The following SCG3 variants were observed in gnomAD, a reference collection of about 807,000 sequenced individuals.
The protein encoded by SCG3 is secretogranin III, also known as secretogranin-3.
SCG3 carries 38 observed loss-of-function variants against 56.2 expected under a neutral mutation model. The ratio of observed to expected loss-of-function variants is 0.68; its 90% CI spans 0.52 to 0.89. The LOEUF (loss-of-function observed/expected upper bound fraction) is 0.89, where lower values mean the gene tolerates loss of function less well. Ranked by LOEUF, SCG3 falls within the 40% of genes least tolerant of loss-of-function variation. The pLI is 0.00. For synonymous variants in SCG3, 176 were observed against 184.2 expected (o/e 0.96, Z 0.36); for missense variants, 524 against 540.7 (o/e 0.97, Z 0.31).
chr15:51,683,321 G>A lies in SCG3; in HGVS notation c.284G>A (p.Arg95Lys). 2 of 1,613,442 alleles carry A rather than the reference G, an allele frequency of 1.2e-6. No individual in the cohort carries two copies. The highest frequency in any genetic ancestry group is 1.7e-6 in the Non-Finnish European group (2 of 1,179,498). The change falls in exon 4 of 12, where the codon AGA (arginine) becomes AAA (lysine). Residue 95 changes from arginine to lysine, a missense_variant. Transcript: ENST00000220478. ...ATTGAGAAAGAAAGACAATCTATAAGAAGCTCCCCACTTGATAATAAGTTG... is the reference window on the plus strand; with the variant it reads ...ATTGAGAAAGAAAGACAATCTATAAAAAGCTCCCCACTTGATAATAAGTTG... ...EKIEKERQSI[R>K]SSPLDNKLNV...
rs985520180 is a variant in SCG3, at chr15:51,695,866, T to C, written c.869-9T>C. Reference sequence around the variant, plus strand: ...CCACAGTTTTAAGTTATTTTGTTCTTTCATATAGAAAAAGAAGCAAAAGAG... The same window carrying C: ...CCACAGTTTTAAGTTATTTTGTTCTCTCATATAGAAAAAGAAGCAAAAGAG... On this transcript the variant is annotated splice_polypyrimidine_tract_variant and intron_variant, in intron 7 of 11. Transcript: ENST00000220478. The C allele has an allele frequency of 1.3e-6, 2 of 1,481,762 alleles. No individual in the cohort carries two copies. The highest frequency in any genetic ancestry group is 1.8e-4 in the Middle Eastern group (1 of 5,694). The allele number at this position is 1,481,762 out of a possible 1,614,324, so 91.8% of individuals were successfully genotyped here. A position where few individuals can be genotyped will look rare whatever the true frequency, so the allele number is the denominator to read the frequency against.
intron 8 of SCG3, 67 bp from the exon 9 acceptor site, chr15:51,699,252 T>C (rs2055323937): frequency 8.7e-7 from 1 of 1,146,764 alleles, no homozygotes; most frequent in South Asian, 1.3e-5. Context: ...GATTTAAACA[T>C]TTTTCGTAAA....
At chr15:51,704,244 C>CATACATATATACATACAT (rs751546589) in intron 10 of SCG3, among the ~76,000 whole-genome samples, 1 of 73,600 alleles carries the variant, frequency 1.4e-5, no homozygotes, top group East Asian at 5.2e-4. Context: ...TACATACATA[C>CATACATATATACATACAT]ATATATATAT....
At chr15:51,692,424 T>C (rs1595831238) in intron 7 of SCG3, 88 bp downstream of exon 7, 2 of 1,274,824 alleles carry the variant, frequency 1.6e-6, no homozygotes, top group East Asian at 4.7e-5. Context: ...TGTTTTCAGT[T>C]TCCAAATGTA....
At chr15:51,714,787 G>A (rs1295742279) in intron 11 of SCG3, among the ~76,000 whole-genome samples, 1 of 152,192 alleles carries the variant, frequency 6.6e-6, no homozygotes, top group African/African-American at 2.4e-5. Context: ...TCTAAGTTGA[G>A]TGATGATGGC....
intron 7 of SCG3, among the ~76,000 whole-genome samples, chr15:51,694,856 C>A (rs1443928341): frequency 6.6e-6 from 1 of 152,010 alleles, no homozygotes; most frequent in Non-Finnish European, 1.5e-5. Context: ...CATGGTGAAA[C>A]CCAGTCTCTA....
chr15:51,713,495 T>A, intron 11 of SCG3, 82 bp downstream of exon 11: 1 of 934,186 alleles, frequency 1.1e-6, no homozygotes, highest in Non-Finnish European at 1.6e-6. Flanking sequence ...CACAGTCAAA[T>A]TGACTGTGCT....
chr15:51,718,235 CAGAT>C, intron 11 of SCG3, among the ~76,000 whole-genome samples: 1 of 141,268 alleles, frequency 7.1e-6, no homozygotes, highest in East Asian at 2.1e-4. Context: ...GACAGACAGA[CAGAT>C]GTCATAGGGT....
intron 7 of SCG3, 38 bp downstream of exon 7, chr15:51,692,374 G>C (rs770598947): frequency 6.4e-7 from 1 of 1,565,066 alleles, no homozygotes; most frequent in Non-Finnish European, 8.7e-7. Context: ...GGAACAGAAA[G>C]AGTGATTCCA....
rs770783085 is a variant in SCG3 at position 51,688,291 on chromosome 15, G to A, written c.429G>A (p.Gly143=). 1.2e-6 allele frequency: 2 copies of A among 1,613,828 alleles called. No individual in the cohort carries two copies. Among genetic ancestry groups the A allele is most frequent in the Non-Finnish European group, 1.7e-6 (2 of 1,179,780 alleles). The change falls in exon 5 of 12, where the codon GGG becomes GGA. Residue 143 remains glycine (G), a synonymous_variant. Coordinates refer to ENST00000220478, the MANE Select transcript of SCG3 (RefSeq NM_013243.4). ...CAGATGGTCTTCATCAACTAGACGG[G>A]ACTCCTTTAACCGCTGAAGACATTG... ...DDPDGLHQLD[G]TPLTAEDIVH...
intron 8 of SCG3, among the ~76,000 whole-genome samples, chr15:51,697,091 A>C (rs1163248808): frequency 1.3e-5 from 2 of 149,328 alleles, no homozygotes; most frequent in Non-Finnish European, 3.0e-5. Context: ...CAACATCAAC[A>C]CTCTGGTAAC....
intron 8 of SCG3, among the ~76,000 whole-genome samples, chr15:51,698,961 G>A (rs746551323): frequency 6.6e-5 from 10 of 152,174 alleles, no homozygotes; most frequent in African/African-American, 1.7e-4. Flanking sequence ...GCCAGGGTTA[G>A]GTTCCCTAGG....
Position 51,690,765 on chromosome 15 carries a change from A to G in SCG3, c.691-1394A>G, listed in dbSNP as rs149847488. On this transcript the variant is annotated intron_variant, in intron 6 of 11. Coordinates refer to ENST00000220478, the MANE Select transcript of SCG3 (RefSeq NM_013243.4). ...TACATACTCCTATTCACCTATCTCT[A>G]AAATGTTCATATGCTTGACCTGTTT... 6.6e-3 allele frequency among the ~76,000 whole-genome samples: 1,009 copies of G among 152,284 alleles called. 7 individuals are homozygous for G. The highest frequency in any genetic ancestry group is 0.011 in the Non-Finnish European group (746 of 68,018).
At chr15:51,710,311 A>G (rs956863368) in intron 10 of SCG3, among the ~76,000 whole-genome samples, 2 of 152,176 alleles carry the variant, frequency 1.3e-5, no homozygotes, top group African/African-American at 4.8e-5. Flanking sequence ...AAAATAAAGC[A>G]TGAAAGAGGA....
Position 51,681,848 on chromosome 15 carries a change from A to T in SCG3, c.82+11A>T, listed in dbSNP as rs751361230. Reference sequence around the variant, plus strand: ...CTGGAGGAAGCCAAGGTATGTGAACACTTTTCTTCTTCCTACCTTCCTTTT... The same window carrying T: ...CTGGAGGAAGCCAAGGTATGTGAACTCTTTTCTTCTTCCTACCTTCCTTTT... On this transcript the variant is annotated intron_variant, in intron 1 of 11. Coordinates refer to ENST00000220478, the MANE Select transcript of SCG3 (RefSeq NM_013243.4). 1.2e-6 allele frequency: 2 copies of T among 1,609,130 alleles called. No homozygotes were observed. Among genetic ancestry groups the T allele is most frequent in the Non-Finnish European group, 1.7e-6 (2 of 1,175,620 alleles).
At chr15:51,713,524 C>A in intron 11 of SCG3, 111 bp downstream of exon 11, 1 of 604,914 alleles carries the variant, frequency 1.7e-6, no homozygotes, top group Non-Finnish European at 2.8e-6. Context: ...CCCGCAGAGC[C>A]CAAAAAAGAC....
At chr15:51,698,596 G>A (rs191983091) in intron 8 of SCG3, among the ~76,000 whole-genome samples, 2 of 152,336 alleles carry the variant, frequency 1.3e-5, no homozygotes, top group East Asian at 3.9e-4. Context: ...CGTATAACTG[G>A]AGAAGTCCAT....
At chr15:51,698,061 A>G (rs185576188) in intron 8 of SCG3, among the ~76,000 whole-genome samples, 4 of 152,334 alleles carry the variant, frequency 2.6e-5, no homozygotes, top group Admixed American at 1.3e-4. Context: ...CATGATTACA[A>G]ATGTTGCCAG....
chr15:51,690,955 G>A (rs1280601507), intron 6 of SCG3, among the ~76,000 whole-genome samples: 1 of 152,190 alleles, frequency 6.6e-6, no homozygotes, highest in East Asian at 1.9e-4. Context: ...GGAAGAGGTA[G>A]ATCATGTTTA....
Sources: allele counts gnomAD v4.1 joint callset (sites outside exome capture counted in the v4.1 genomes callset), GRCh38; gene constraint gnomAD v4.1.1; transcripts MANE v1.5; gene names NCBI Gene and HGNC (gene_info 2026-07-23, HGNC 2026-07-21).